The following CFAP96 variants were observed in gnomAD, a reference collection of about 807,000 sequenced individuals.
CFAP96 encodes cilia and flagella associated protein 96.
At chr4:185,446,935 C>CT in the CFAP96 span, among the ~76,000 whole-genome samples, 178 of 151,866 alleles carry the variant, frequency 1.2e-3, no homozygotes, top group Middle Eastern at 3.4e-3. Flanking sequence ...TTTCATGCAT[C>CT]TTTTTTTTGA....
At chr4:185,413,575 A>C in the CFAP96 span, 3 of 699,572 alleles carry the variant, frequency 4.3e-6, no homozygotes, top group African/African-American at 3.7e-5. Context: ...AATTACTGCT[A>C]TCTTAAGCAA....
At chr4:185,444,839 A>T in the CFAP96 span, 9 of 811,614 alleles carry the variant, frequency 1.1e-5, no homozygotes, top group Non-Finnish European at 1.7e-5. Flanking sequence ...TATTTGAATT[A>T]AACAGTATCA....
At chr4:185,413,705 T>C in the CFAP96 span, 11 of 1,595,118 alleles carry the variant, frequency 6.9e-6, no homozygotes, top group Admixed American at 1.4e-4. Flanking sequence ...GTGACTCCCA[T>C]AAATAATTAG....
chr4:185,408,708 C>T, the CFAP96 span, among the ~76,000 whole-genome samples: 1 of 152,116 alleles, frequency 6.6e-6, no homozygotes, highest in Middle Eastern at 3.2e-3. Flanking sequence ...CCTCTACTTT[C>T]GGTTCCCATA....
the CFAP96 span, chr4:185,445,538 A>G: frequency 6.4e-7 from 1 of 1,554,682 alleles, no homozygotes; most frequent in Non-Finnish European, 8.8e-7. Flanking sequence ...TAACTTTGAA[A>G]TAACCTATGA....
chr4:185,418,951 C>T, the CFAP96 span, among the ~76,000 whole-genome samples: 2 of 151,902 alleles, frequency 1.3e-5, no homozygotes, highest in African/African-American at 4.8e-5. Flanking sequence ...ATTCACAGAC[C>T]ATCAAATTCA....
the CFAP96 span, chr4:185,435,925 T>C: frequency 5.7e-6 from 4 of 704,680 alleles, no homozygotes; most frequent in South Asian, 1.2e-4. Flanking sequence ...GAAAATGAAA[T>C]TAGATTAAAA....
chr4:185,430,224 A>C, the CFAP96 span, among the ~76,000 whole-genome samples: 1 of 152,236 alleles, frequency 6.6e-6, no homozygotes, highest in African/African-American at 2.4e-5. Flanking sequence ...GTCATAAATA[A>C]TAAAAAGAGC....
chr4:185,431,209 CAAA>C, the CFAP96 span, among the ~76,000 whole-genome samples: 26 of 88,560 alleles, frequency 2.9e-4, 1 homozygote, highest in South Asian at 1.2e-3. Context: ...GACTCCGTCT[CAAA>C]AAAAAAAAAA....
chr4:185,413,931 C>G, the CFAP96 span: 1 of 1,440,384 alleles, frequency 6.9e-7, no homozygotes, highest in Non-Finnish European at 9.3e-7. Context: ...GATTCCTAGT[C>G]AATAAATAAA....
the CFAP96 span, among the ~76,000 whole-genome samples, chr4:185,425,523 T>G: frequency 4.6e-5 from 7 of 152,152 alleles, no homozygotes. Flanking sequence ...CCACGGGAAC[T>G]AGGGGAATAT....
At chr4:185,425,929 C>T in the CFAP96 span, 1 of 1,562,156 alleles carries the variant, frequency 6.4e-7, no homozygotes, top group South Asian at 1.2e-5. Context: ...GGGGCCGGCC[C>T]TGAAGTGGTG....
chr4:185,418,990 T>G, the CFAP96 span, among the ~76,000 whole-genome samples: 1 of 152,178 alleles, frequency 6.6e-6, no homozygotes, highest in African/African-American at 2.4e-5. Flanking sequence ...TTTAGGGCTT[T>G]TAGTATATTC....
chr4:185,449,748 G>A, the CFAP96 span: 13 of 699,236 alleles, frequency 1.9e-5, no homozygotes, highest in Non-Finnish European at 2.5e-5. Flanking sequence ...GATAGCTCAA[G>A]CAGTTAAAAG....
chr4:185,420,976 T>C, the CFAP96 span, among the ~76,000 whole-genome samples: 645 of 152,372 alleles, frequency 4.2e-3, 5 homozygotes, highest in African/African-American at 0.014. Flanking sequence ...TTTCAGTTTA[T>C]ATCAAGTTGT....
At chr4:185,437,233 A>G in the CFAP96 span, among the ~76,000 whole-genome samples, 4 of 152,184 alleles carry the variant, frequency 2.6e-5, no homozygotes, top group Non-Finnish European at 5.9e-5. Flanking sequence ...TAAAAACTAA[A>G]ATGTGCTAGC....
chr4:185,443,342 A>ATTT, the CFAP96 span, among the ~76,000 whole-genome samples: 98 of 26,712 alleles, frequency 3.7e-3, 3 homozygotes, highest in African/African-American at 0.01. Context: ...ATATATATAT[A>ATTT]TTTTTTTTTT....
the CFAP96 span, among the ~76,000 whole-genome samples, chr4:185,412,295 A>G: frequency 6.6e-6 from 1 of 152,202 alleles, no homozygotes; most frequent in African/African-American, 2.4e-5. Flanking sequence ...CTAAGGAACT[A>G]TTCTTTTTGT....
the CFAP96 span, chr4:185,435,941 ATTTTTTTCTC>A: frequency 3.4e-6 from 3 of 872,008 alleles, no homozygotes; most frequent in Non-Finnish European, 5.0e-6. Context: ...TAAAACTAGC[ATTTTTTTCTC>A]TTTTTTTCAA....
Sources: allele counts gnomAD v4.1 joint callset (sites outside exome capture counted in the v4.1 genomes callset), GRCh38; gene constraint gnomAD v4.1.1; transcripts MANE v1.5; gene names NCBI Gene and HGNC (gene_info 2026-07-23, HGNC 2026-07-21).